SDK1: variants seen among roughly 807,000 people sequenced by gnomAD.
SDK1 encodes sidekick cell adhesion molecule 1.
SDK1 carries 157 observed loss-of-function variants against 245.5 expected under a neutral mutation model. The ratio of observed to expected loss-of-function variants is 0.64; its 90% CI spans 0.56 to 0.73. The LOEUF (loss-of-function observed/expected upper bound fraction) is 0.73, where lower values mean the gene tolerates loss of function less well. Ranked by LOEUF, SDK1 falls within the 30% of genes least tolerant of loss-of-function variation. SDK1 has a pLI of 0.00. For synonymous variants in SDK1, 1,647 were observed against 1,278.5 expected, an observed-to-expected ratio of 1.29 and a Z score of -6.15; for missense variants, 3,583 against 3,002.3, an observed-to-expected ratio of 1.19 and a Z score of -4.52.
chr7:4,193,136 A>G (rs1562413601), intron 35 of SDK1, among the ~76,000 whole-genome samples: 1 of 133,988 alleles, frequency 7.5e-6, no homozygotes, highest in Non-Finnish European at 1.5e-5. Context: ...ATATATAAAT[A>G]TATTAATATA....
intron 1 of SDK1, among the ~76,000 whole-genome samples, chr7:3,381,013 G>C (rs1027776806): frequency 1.3e-5 from 2 of 152,182 alleles, no homozygotes; most frequent in African/African-American, 4.8e-5. Flanking sequence ...TAATAAATAA[G>C]GAGAGAATGG....
At chr7:3,520,902 A>ACACT (rs1782917223) in intron 1 of SDK1, among the ~76,000 whole-genome samples, 1 of 152,184 alleles carries the variant, frequency 6.6e-6, no homozygotes, top group African/African-American at 2.4e-5. Context: ...GTTTAAAACA[A>ACACT]CACTCATTTA....
intron 38 of SDK1, among the ~76,000 whole-genome samples, chr7:4,217,184 G>A (rs1172740386): frequency 7.3e-6 from 1 of 137,906 alleles, no homozygotes; most frequent in African/African-American, 2.8e-5. Flanking sequence ...ACCCCCCGGA[G>A]CACCCTGCCA....
chr7:4,231,125 C>T (rs1187244832), intron 40 of SDK1, among the ~76,000 whole-genome samples: 2 of 152,174 alleles, frequency 1.3e-5, no homozygotes, highest in African/African-American at 2.4e-5. Flanking sequence ...CCACATACAA[C>T]CAGCATAAAC....
At chr7:3,787,433 G>A (rs142435375) in intron 4 of SDK1, among the ~76,000 whole-genome samples, 2 of 152,166 alleles carry the variant, frequency 1.3e-5, no homozygotes, top group South Asian at 2.1e-4. Context: ...TTGTGCACAC[G>A]CTGTGTTCCT....
chr7:3,520,264 T>C (rs1259981306), intron 1 of SDK1, among the ~76,000 whole-genome samples: 1 of 152,172 alleles, frequency 6.6e-6, no homozygotes, highest in Admixed American at 6.6e-5. Context: ...CTGCTTTCTT[T>C]TAGAGCTGCT....
chr7:3,593,234 G>C (rs932512320), intron 1 of SDK1, among the ~76,000 whole-genome samples: 1 of 152,152 alleles, frequency 6.6e-6, no homozygotes, highest in Non-Finnish European at 1.5e-5. Context: ...CTGGACTTTT[G>C]AAAAGTGGCC....
In SDK1 at chr7:3,467,027, C is replaced by G. The variant is rs73671835; in HGVS notation, c.299-152053C>G. 1.8e-3 allele frequency among the ~76,000 whole-genome samples: 245 copies of G among 133,482 alleles called. 1 individual carries two copies. Among genetic ancestry groups the G allele is most frequent in the African/African-American group, 6.3e-3 (207 of 33,000 alleles). 87.6% of individuals were successfully genotyped at this position (133,482 alleles called of 152,430 possible). ...ACACACACACACACACACACACACA[C>G]ACAGAGATGTAAAACATACACATAG... On this transcript the variant is annotated intron_variant, in intron 1 of 44. Coordinates refer to ENST00000404826, the MANE Select transcript of SDK1 (RefSeq NM_152744.4).
chr7:3,763,029 C>G (rs1780151527), intron 4 of SDK1, among the ~76,000 whole-genome samples: 1 of 152,106 alleles, frequency 6.6e-6, no homozygotes, highest in African/African-American at 2.4e-5. Flanking sequence ...GAGTAATTTT[C>G]TGGGATCCTT....
Position 3,397,934 on chromosome 7 carries a change from G to T in SDK1, c.298+96050G>T, listed in dbSNP as rs554953469. On this transcript the variant is annotated intron_variant, in intron 1 of 44. Coordinates refer to ENST00000404826, the MANE Select transcript of SDK1 (RefSeq NM_152744.4). ...TGAGTCTGATTCTGATGCTTGCTTT[G>T]CCCCTTCAGATTGTGTGTTTTCTTG... is the stretch of plus-strand genomic sequence containing the variant. 2.8e-4 allele frequency among the ~76,000 whole-genome samples: 42 copies of T among 152,056 alleles called. 2 individuals are homozygous for T. Among genetic ancestry groups the T allele is most frequent in the Admixed American group, 2.2e-3 (34 of 15,266 alleles).
intron 38 of SDK1, among the ~76,000 whole-genome samples, chr7:4,213,038 T>C (rs932414068): frequency 9.2e-5 from 14 of 152,146 alleles, no homozygotes; most frequent in Non-Finnish European, 2.9e-5. Flanking sequence ...CCCAGCACTT[T>C]GGGAGGCCGA....
chr7:3,334,730 TCTTGA>T (rs1780155752), intron 1 of SDK1, among the ~76,000 whole-genome samples: 1 of 152,192 alleles, frequency 6.6e-6, no homozygotes, highest in Non-Finnish European at 1.5e-5. Flanking sequence ...CTTATTCTGT[TCTTGA>T]CTTCTCTTTG....
In SDK1 at chr7:4,065,833, G is replaced by C. The variant is rs964193400; in HGVS notation, c.2912-2005G>C. Among the ~76,000 whole-genome samples, 8 of 148,344 alleles carry C rather than the reference G, an allele frequency of 5.4e-5. No homozygotes were observed. In the Admixed American group the frequency reaches 5.5e-4, roughly 10 times the overall value. On this transcript the variant is annotated intron_variant, in intron 19 of 44. Coordinates refer to ENST00000404826, the MANE Select transcript of SDK1 (RefSeq NM_152744.4). ...AATTCACCCTAAAAATCTAATGTTT[G>C]TGCAAGTGAGGCTGGCAGTAACCAG...
At chr7:3,437,028 C>G (rs1780049053) in intron 1 of SDK1, among the ~76,000 whole-genome samples, 1 of 152,196 alleles carries the variant, frequency 6.6e-6, no homozygotes, top group South Asian at 2.1e-4. Context: ...GGCTGCTCCT[C>G]TATCAGTCCA....
intron 9 of SDK1, among the ~76,000 whole-genome samples, chr7:3,963,942 C>A (rs1009107740): frequency 2.0e-5 from 3 of 152,116 alleles, no homozygotes; most frequent in Non-Finnish European, 4.4e-5. Flanking sequence ...TGAGCACACC[C>A]AGGCCGACGG....
intron 22 of SDK1, among the ~76,000 whole-genome samples, chr7:4,101,003 T>C (rs796135545): frequency 4.3e-4 from 66 of 152,278 alleles, no homozygotes; most frequent in African/African-American, 1.5e-3. Context: ...GGGAGGCCTA[T>C]GCGGAGGTGC....
rs560456301 is a variant in SDK1 at position 4,007,700 on chromosome 7, G to A, written c.2132-3266G>A. 1.3e-3 allele frequency among the ~76,000 whole-genome samples: 194 copies of A among 152,146 alleles called. 1 individual carries two copies. Among genetic ancestry groups the A allele is most frequent in the African/African-American group, 4.4e-3 (183 of 41,522 alleles). Reference sequence around the variant, plus strand: ...ACTCCCTACAACCTCCGCCTCCCGGGTTTCAGCAATTCTCTGTCTCAGCCT... The same window carrying A: ...ACTCCCTACAACCTCCGCCTCCCGGATTTCAGCAATTCTCTGTCTCAGCCT... On this transcript the variant is annotated intron_variant, in intron 14 of 44. Coordinates refer to ENST00000404826, the MANE Select transcript of SDK1 (RefSeq NM_152744.4).
chr7:3,642,249 AAC>A, intron 4 of SDK1, 144 bp downstream of exon 4: 1 of 664,096 alleles, frequency 1.5e-6, no homozygotes, highest in East Asian at 2.9e-5. Flanking sequence ...ATTTTTAATA[AAC>A]AGCTATTTGA....
In SDK1 at chr7:3,397,899, C is replaced by G. The variant is rs552518398; in HGVS notation, c.298+96015C>G. ...TTCTGGTTTGATAATTACATAATCT[C>G]TGCCATATATGAGTCTGATTCTGAT... On this transcript the variant is annotated intron_variant, in intron 1 of 44. Coordinates refer to ENST00000404826, the MANE Select transcript of SDK1 (RefSeq NM_152744.4). Among the ~76,000 whole-genome samples, 188 of 152,170 alleles carry G rather than the reference C, an allele frequency of 1.2e-3. 1 individual carries two copies. The highest frequency in any genetic ancestry group is 4.2e-3 in the African/African-American group (176 of 41,534).
Sources: gnomAD v4.1 joint callset for allele counts (sites outside exome capture counted in the v4.1 genomes callset) on GRCh38, gnomAD v4.1.1 for gene constraint, MANE v1.5 for transcripts, NCBI Gene and HGNC (gene_info 2026-07-23, HGNC 2026-07-21) for gene names.